Variants in HTR2C observed in about 807,000 individuals in gnomAD.
HTR2C encodes 5-hydroxytryptamine receptor 2C, also known as 5-hydroxytryptamine (serotonin) receptor 2C, G protein-coupled.
A neutral mutation model predicts 21.0 loss-of-function variants in HTR2C; 5 were observed. That is an observed-to-expected ratio of 0.24 (90% CI 0.12 to 0.50). The LOEUF is 0.50. Among genes scored for constraint, HTR2C ranks in the 20% least tolerant of loss-of-function variants. The pLI, the probability that HTR2C is intolerant of heterozygous loss-of-function variation, is 0.98. For missense variants in HTR2C, 271 were observed against 371.2 expected (o/e 0.73, Z 2.22); for synonymous variants, 150 against 145.3 (o/e 1.03, Z -0.23).
At chrX:114,847,047 T>C (rs1344612454) in intron 4 of HTR2C, among the ~76,000 whole-genome samples, 6 of 107,776 alleles carry the variant, frequency 5.6e-5, no homozygotes, top group African/African-American at 2.0e-4. Context: ...AAAACCTCAA[T>C]TGATAACAGC....
At chrX:114,611,975 G>C (rs782315812) in intron 1 of HTR2C, among the ~76,000 whole-genome samples, 1 of 112,141 alleles carries the variant, frequency 8.9e-6, no homozygotes, top group Admixed American at 9.4e-5. Context: ...GGGATTACAG[G>C]TGTGAGCCAC....
At chrX:114,750,497 C>T (rs2069751238) in intron 4 of HTR2C, among the ~76,000 whole-genome samples, 1 of 112,175 alleles carries the variant, frequency 8.9e-6, no homozygotes, top group East Asian at 2.8e-4. Context: ...TATAATTATT[C>T]GTATGTAGCT....
At chrX:114,866,363 TTATATA>T (rs202048736) in intron 5 of HTR2C, among the ~76,000 whole-genome samples, 1 of 108,172 alleles carries the variant, frequency 9.2e-6, no homozygotes. Context: ...TAAGGTTTAA[TTATATA>T]TATATATATT....
intron 4 of HTR2C, among the ~76,000 whole-genome samples, chrX:114,792,456 C>CT (rs1312193235): frequency 1.8e-4 from 20 of 111,472 alleles, no homozygotes; most frequent in Non-Finnish European, 3.8e-4. Flanking sequence ...GATCTCATTC[C>CT]TTTTTTTGGC....
intron 5 of HTR2C, among the ~76,000 whole-genome samples, chrX:114,867,333 G>T (rs1464847603): frequency 9.0e-6 from 1 of 111,167 alleles, no homozygotes; most frequent in Admixed American, 9.6e-5. Context: ...CAAATATTTA[G>T]CCCATTTTTT....
chrX:114,865,219 T>C (rs145805284), intron 5 of HTR2C, among the ~76,000 whole-genome samples: 1,136 of 112,153 alleles, frequency 0.01, 16 homozygotes, highest in Middle Eastern at 0.037. Flanking sequence ...CTAACCAATG[T>C]TGTTTGTATC....
chrX:114,615,236 C>T (rs1434794120), intron 2 of HTR2C, among the ~76,000 whole-genome samples: 6 of 111,292 alleles, frequency 5.4e-5, no homozygotes, highest in Non-Finnish European at 1.1e-4. Context: ...TTAAAATGTA[C>T]CCTTTTTCAG....
intron 5 of HTR2C, among the ~76,000 whole-genome samples, chrX:114,883,887 C>CT (rs1281128495): frequency 1.8e-5 from 2 of 109,543 alleles, no homozygotes; most frequent in East Asian, 2.9e-4. Context: ...CCTATTTCCC[C>CT]TTTTTTTTAA....
At chrX:114,797,416 T>C (rs1412999366) in intron 4 of HTR2C, among the ~76,000 whole-genome samples, 1 of 111,527 alleles carries the variant, frequency 9.0e-6, no homozygotes, top group African/African-American at 3.3e-5. Flanking sequence ...GGTAAATTCT[T>C]GTGAATACCA....
chrX:114,611,757 G>C (rs1417011123), intron 1 of HTR2C, among the ~76,000 whole-genome samples: 3 of 111,790 alleles, frequency 2.7e-5, no homozygotes, highest in Admixed American at 1.9e-4. Flanking sequence ...GAGTGCAGTG[G>C]CGCGATCTCG....
intron 2 of HTR2C, among the ~76,000 whole-genome samples, chrX:114,680,552 G>A (rs1028115449): frequency 7.2e-5 from 8 of 111,871 alleles, no homozygotes; most frequent in Non-Finnish European, 1.5e-4. Context: ...GGGTGGAGAT[G>A]TGGGCAGGAA....
At chrX:114,659,965 C>CA (rs1346489187) in intron 2 of HTR2C, among the ~76,000 whole-genome samples, 3 of 111,417 alleles carry the variant, frequency 2.7e-5, no homozygotes, top group African/African-American at 9.8e-5. Context: ...AGCAAACAAA[C>CA]AAAAAGGCAG....
At chrX:114,716,050 A>G (rs994686832) in intron 2 of HTR2C, among the ~76,000 whole-genome samples, 3 of 112,719 alleles carry the variant, frequency 2.7e-5, no homozygotes, top group Non-Finnish European at 5.6e-5. Flanking sequence ...GATATTTAGC[A>G]TATGGTTTGC....
intron 2 of HTR2C, among the ~76,000 whole-genome samples, chrX:114,640,672 T>C (rs1930062296): frequency 8.9e-6 from 1 of 112,167 alleles, no homozygotes; most frequent in African/African-American, 3.2e-5. Flanking sequence ...GGCACAAACA[T>C]CTTTTGAAGA....
intron 4 of HTR2C, among the ~76,000 whole-genome samples, chrX:114,749,436 A>C (rs2147365653): frequency 1.1e-5 from 1 of 89,998 alleles, no homozygotes; most frequent in African/African-American, 4.1e-5. Context: ...CCTGGTTGAC[A>C]GAGCAAGTCC....
chrX:114,838,637 C>T lies in HTR2C; in HGVS notation c.350-9366C>T, dbSNP rs1482227849. On this transcript the variant is annotated intron_variant, in intron 4 of 5. Coordinates refer to ENST00000276198, the MANE Select transcript of HTR2C (RefSeq NM_000868.4). The stretch of plus-strand genomic sequence containing the variant: ...TGAATGAACAAACATATAAAAATGT[C>T]TTATGAAGCACTATACACAATTTTT... 4.5e-5 allele frequency among the ~76,000 whole-genome samples: 5 copies of T among 111,593 alleles called. No homozygotes were observed. The Admixed American group carries it at 4.8e-4, about 11-fold the overall frequency.
chrX:114,749,506 A>C (rs1475246440), intron 4 of HTR2C, among the ~76,000 whole-genome samples: 1 of 106,728 alleles, frequency 9.4e-6, no homozygotes, highest in Non-Finnish European at 1.9e-5. Context: ...TAGGAGTCTT[A>C]CAGTAGAGAG....
intron 5 of HTR2C, among the ~76,000 whole-genome samples, chrX:114,859,940 T>C (rs1783517795): frequency 9.0e-6 from 1 of 111,718 alleles, no homozygotes; most frequent in Non-Finnish European, 1.9e-5. Context: ...TGGAAACTTG[T>C]AGTTTAATTT....
intron 4 of HTR2C, among the ~76,000 whole-genome samples, chrX:114,847,205 A>G (rs1048957021): frequency 9.1e-6 from 1 of 109,954 alleles, no homozygotes; most frequent in Non-Finnish European, 1.9e-5. Flanking sequence ...TTAAATCCAT[A>G]GACTGGATTA....
Sources: gnomAD v4.1 joint callset for allele counts (sites outside exome capture counted in the v4.1 genomes callset) on GRCh38, gnomAD v4.1.1 for gene constraint, MANE v1.5 for transcripts, NCBI Gene and HGNC (gene_info 2026-07-23, HGNC 2026-07-21) for gene names.